Variants in PRKCH observed in about 807,000 individuals in gnomAD.
The protein encoded by PRKCH is protein kinase C eta type.
In PRKCH, 28 loss-of-function variants were observed where a neutral mutation model predicts 82.5. That is an observed-to-expected ratio of 0.34 (90% confidence interval 0.25 to 0.47). The LOEUF is 0.47. Ranked by LOEUF, PRKCH falls within the 20% of genes least tolerant of loss-of-function variation. PRKCH has a pLI of 1.00. For missense variants in PRKCH, 705 were observed against 881.8 expected, an observed-to-expected ratio of 0.80 and a Z score of 2.54; for synonymous variants, 322 against 327.4, an observed-to-expected ratio of 0.98 and a Z score of 0.18.
chr14:61,447,860 G>T (rs1884301081), intron 4 of PRKCH, among the ~76,000 whole-genome samples: 1 of 152,132 alleles, frequency 6.6e-6, no homozygotes, highest in Admixed American at 6.5e-5. Context: ...CTAAAACCAA[G>T]ATTCGAAATT....
intron 1 of PRKCH, among the ~76,000 whole-genome samples, chr14:61,261,267 A>AC (rs1380021092): frequency 2.6e-5 from 4 of 152,218 alleles, no homozygotes; most frequent in Non-Finnish European, 5.9e-5. Context: ...AGGGAAAAAA[A>AC]TCAATAAAGT....
In PRKCH at chr14:61,280,096, T is replaced by C; in HGVS notation, c.-19+92428T>C. ...GGGATCCCTGGAAAGCCGGAATCAC[T>C]CCTCGTCGTCGTCGTCCTGGTCCTG... On this transcript the variant is annotated intron_variant, in intron 1 of 3. Transcript: ENST00000555185. The surrounding 1 kb of genome is among the most constrained non-coding windows in gnomAD (Gnocchi z 5.0). The C allele has an allele frequency of 6.2e-7, 1 of 1,607,550 alleles. No individual in the cohort carries two copies. The highest frequency in any genetic ancestry group is 8.5e-7 in the Non-Finnish European group (1 of 1,176,806).
In PRKCH at chr14:61,280,016, C is replaced by T. The variant is rs1348564977; in HGVS notation, c.-19+92348C>T. ...GCTAGGCGAGGTTGGAATTGGGTGA[C>T]GGGCGAGGAGGAGATGCCAAAAGCA... On this transcript the variant is annotated intron_variant, in intron 1 of 3. Transcript: ENST00000555185. The surrounding 1 kb of genome is among the most constrained non-coding windows in gnomAD (Gnocchi z 5.0). The T allele has an allele frequency of 3.1e-6, 4 of 1,301,766 alleles. No homozygotes were observed. The highest frequency in any genetic ancestry group is 5.2e-5 in the Admixed American group (2 of 38,430). The allele number at this position is 1,301,766 out of a possible 1,614,324, so 80.6% of individuals were successfully genotyped here. A position where few individuals can be genotyped will look rare whatever the true frequency, so the allele number is the denominator to read the frequency against.
At chr14:61,476,871 A>T (rs1433653324) in intron 9 of PRKCH, among the ~76,000 whole-genome samples, 2 of 152,288 alleles carry the variant, frequency 1.3e-5, no homozygotes, top group East Asian at 3.9e-4. Flanking sequence ...GTTCAAAAAA[A>T]AAATGCAGCC....
At chr14:61,470,122 C>T (rs1021570583) in intron 9 of PRKCH, among the ~76,000 whole-genome samples, 73 of 151,548 alleles carry the variant, frequency 4.8e-4, no homozygotes, top group African/African-American at 1.6e-3. Flanking sequence ...TCTGAAGCTG[C>T]ATTTGCATAT....
At chr14:61,378,492 C>T (rs949815521) in intron 1 of PRKCH, among the ~76,000 whole-genome samples, 6 of 152,196 alleles carry the variant, frequency 3.9e-5, no homozygotes, top group African/African-American at 1.2e-4. Flanking sequence ...AGATGTGAGC[C>T]GCCACACCCA....
intron 10 of PRKCH, among the ~76,000 whole-genome samples, chr14:61,488,133 G>A (rs979023130): frequency 2.6e-4 from 38 of 148,368 alleles, no homozygotes; most frequent in Non-Finnish European, 3.6e-4. Context: ...CAGCCTGGGC[G>A]ACAGCGAGAC....
At chr14:61,432,984 G>C (rs1883484336) in intron 2 of PRKCH, among the ~76,000 whole-genome samples, 1 of 141,954 alleles carries the variant, frequency 7.0e-6, no homozygotes, top group Non-Finnish European at 1.5e-5. Context: ...GTACCATGGT[G>C]GTTTGCTGCA....
At chr14:61,536,629 G>T (rs2043113221) in intron 12 of PRKCH, among the ~76,000 whole-genome samples, 2 of 152,110 alleles carry the variant, frequency 1.3e-5, no homozygotes, top group South Asian at 4.1e-4. Context: ...GGGGAAACTG[G>T]TCAGACACCT....
intron 1 of PRKCH, among the ~76,000 whole-genome samples, chr14:61,283,602 T>C (rs1409631450): frequency 1.3e-5 from 2 of 152,146 alleles, no homozygotes; most frequent in Non-Finnish European, 2.9e-5. Flanking sequence ...ATTCAAGCAC[T>C]TCGGGAGGCC....
chr14:61,448,599 C>T (rs112970769), intron 4 of PRKCH, among the ~76,000 whole-genome samples: 18 of 152,206 alleles, frequency 1.2e-4, no homozygotes, highest in African/African-American at 4.3e-4. Context: ...AGAGTATTTT[C>T]ATGGAAGAGA....
chr14:61,220,024 G>A (rs900105005), intron 1 of PRKCH, among the ~76,000 whole-genome samples: 2 of 152,210 alleles, frequency 1.3e-5, no homozygotes, highest in Non-Finnish European at 2.9e-5. Flanking sequence ...ATGCATTGGT[G>A]TAGGGTCCCA....
chr14:61,474,977 C>T (rs1885667171), intron 9 of PRKCH, among the ~76,000 whole-genome samples: 1 of 152,202 alleles, frequency 6.6e-6, no homozygotes, highest in Non-Finnish European at 1.5e-5. Flanking sequence ...GCCATAGTCT[C>T]TACTTCTCTA....
chr14:61,352,689 G>GGAAAAAGAAA (rs1555378084), intron 1 of PRKCH, among the ~76,000 whole-genome samples: 21 of 126,546 alleles, frequency 1.7e-4, no homozygotes, highest in African/African-American at 5.5e-4. Flanking sequence ...AGAAAGGAAA[G>GGAAAAAGAAA]GAAAGAAAGA....
intron 1 of PRKCH, among the ~76,000 whole-genome samples, chr14:61,220,609 G>T (rs2044648387): frequency 6.6e-6 from 1 of 152,180 alleles, no homozygotes; most frequent in African/African-American, 2.4e-5. Context: ...TAGCTAGGAT[G>T]GACCAACTCC....
intron 1 of PRKCH, among the ~76,000 whole-genome samples, chr14:61,334,492 A>T (rs192060406): frequency 6.6e-6 from 1 of 152,076 alleles, no homozygotes; most frequent in African/African-American, 2.4e-5. Context: ...GCGGGTGACA[A>T]TTCAGCTGAG....
Position 61,280,964 on chromosome 14 carries a change from C to A in PRKCH, c.-19+93296C>A. On this transcript the variant is annotated intron_variant, in intron 1 of 3. Coordinates refer to the PRKCH transcript ENST00000555185. This position sits in a 1 kb window ranked among gnomAD's most constrained non-coding sequence, Gnocchi z 5.0. ...TCGCCTGTATAGTCGTACTCCAGCTCCTTGATGCCGTTGGAGGAGTAGTAG... is the reference window on the plus strand; with the variant it reads ...TCGCCTGTATAGTCGTACTCCAGCTACTTGATGCCGTTGGAGGAGTAGTAG... The A allele has an allele frequency of 6.5e-7, 1 of 1,543,342 alleles. No individual in the cohort carries two copies. The highest frequency in any genetic ancestry group is 2.4e-5 in the East Asian group (1 of 40,986).
chr14:61,512,562 CTTCTGG>C (rs1475336683), intron 10 of PRKCH, among the ~76,000 whole-genome samples: 9 of 152,254 alleles, frequency 5.9e-5, no homozygotes, highest in African/African-American at 2.2e-4. Flanking sequence ...TATTCCATCT[CTTCTGG>C]TTTGGGAGTT....
At chr14:61,472,519 G>C (rs1428529638) in intron 9 of PRKCH, among the ~76,000 whole-genome samples, 1 of 152,172 alleles carries the variant, frequency 6.6e-6, no homozygotes, top group Admixed American at 6.5e-5. Flanking sequence ...CTTTGAGGGA[G>C]AGCCACTTGC....
Sources: gnomAD v4.1 joint callset for allele counts (sites outside exome capture counted in the v4.1 genomes callset) on GRCh38, gnomAD v4.1.1 for gene constraint, Gnocchi (gnomAD v3.1) non-coding constraint, MANE v1.5 for transcripts, NCBI Gene and HGNC (gene_info 2026-07-23, HGNC 2026-07-21) for gene names.